Variants in ABCB4 observed in about 807,000 individuals in gnomAD.
ABCB4 encodes phosphatidylcholine translocator ABCB4.
Under a neutral mutation model 145.7 loss-of-function variants are expected in ABCB4, and 76 were observed. The observed-to-expected ratio is 0.52, with a 90% CI of 0.43 to 0.63. The LOEUF (loss-of-function observed/expected upper bound fraction) is 0.63, where lower values mean the gene tolerates loss of function less well. Ranked by LOEUF, ABCB4 falls within the 30% of genes least tolerant of loss-of-function variation. ABCB4 has a pLI of 0.00. For missense variants in ABCB4, 1,234 were observed against 1,553.1 expected (o/e 0.79, Z 3.45); for synonymous variants, 517 against 566.8 (o/e 0.91, Z 1.25).
intron 15 of ABCB4, among the ~76,000 whole-genome samples, chr7:87,427,643 G>C (rs959306327): frequency 1.3e-5 from 2 of 152,026 alleles, no homozygotes; most frequent in African/African-American, 4.8e-5. Context: ...GTTTGTTCAG[G>C]GTCTTAGTCC....
intron 12 of ABCB4, among the ~76,000 whole-genome samples, chr7:87,440,966 T>G (rs919205895): frequency 6.6e-6 from 1 of 152,222 alleles, no homozygotes; most frequent in Non-Finnish European, 1.5e-5. Context: ...GATCTTGATC[T>G]CCTGACCTCG....
intron 3 of ABCB4, among the ~76,000 whole-genome samples, chr7:87,470,905 A>C (rs1813342949): frequency 6.6e-6 from 1 of 152,246 alleles, no homozygotes. Context: ...GCTGCTATAC[A>C]GACACATGCA....
chr7:87,474,802 CT>C (rs1813676393), intron 2 of ABCB4, among the ~76,000 whole-genome samples: 1 of 152,108 alleles, frequency 6.6e-6, no homozygotes, highest in African/African-American at 2.4e-5. Flanking sequence ...CTGCTTCCCC[CT>C]ACCACTTGAA....
chr7:87,375,343 A>G, the ABCB4 span: 1 of 303,648 alleles, frequency 3.3e-6, no homozygotes, highest in Admixed American at 4.8e-5. Context: ...TTTACTTGCA[A>G]CCTAGAAGTG....
the ABCB4 span, among the ~76,000 whole-genome samples, chr7:87,381,675 C>G: frequency 6.6e-5 from 10 of 152,290 alleles, no homozygotes; most frequent in Admixed American, 4.6e-4. Flanking sequence ...CCAAGCCCCA[C>G]CAGAAGCCCT....
At chr7:87,440,458 C>A in intron 12 of ABCB4, 56 bp from the exon 13 acceptor site, 3 of 1,450,972 alleles carry the variant, frequency 2.1e-6, no homozygotes, top group Non-Finnish European at 1.9e-6. Context: ...GCTGAAGTAT[C>A]AGGACCATTC....
At chr7:87,467,727 C>A (rs1357835876) in intron 3 of ABCB4, among the ~76,000 whole-genome samples, 1 of 152,180 alleles carries the variant, frequency 6.6e-6, no homozygotes, top group Non-Finnish European at 1.5e-5. Context: ...AACTAGAACT[C>A]AGGATTAAGA....
intron 23 of ABCB4, among the ~76,000 whole-genome samples, chr7:87,410,874 C>T (rs1192336059): frequency 6.6e-6 from 1 of 152,204 alleles, no homozygotes; most frequent in Non-Finnish European, 1.5e-5. Context: ...ATTGCTTGTG[C>T]AGTTGCTGTC....
rs1335833230 is a variant in ABCB4, at chr7:87,433,682, T to TTTTG, written c.1732-2118_1732-2117insCAAA. ...ACACAAAAAATTGTTGTTGTTTTTT[T>TTTTG]TTTTTTTTTTTTCAGAGCTCCCAGA... On this transcript the variant is annotated intron_variant, in intron 14 of 27. Coordinates refer to ENST00000649586, the MANE Select transcript of ABCB4 (RefSeq NM_000443.4). 8.0e-5 allele frequency among the ~76,000 whole-genome samples: 12 copies of TTTTG among 149,924 alleles called. No homozygotes were observed. The East Asian group carries it at 1.9e-3, about 24-fold the overall frequency.
At chr7:87,368,191 T>TTTCCTCTGCCTG in the ABCB4 span, among the ~76,000 whole-genome samples, 1 of 152,212 alleles carries the variant, frequency 6.6e-6, no homozygotes, top group African/African-American at 2.4e-5. Context: ...CTTCTGCGGG[T>TTTCCTCTGCCTG]ATTTACATGG....
At chr7:87,413,818 T>G in intron 21 of ABCB4, 101 bp from the exon 22 acceptor site, 2 of 813,268 alleles carry the variant, frequency 2.5e-6, no homozygotes, top group South Asian at 1.4e-5. Context: ...GAAGGTTACG[T>G]TGATAGGCTT....
chr7:87,369,376 A>T, the ABCB4 span: 1 of 1,603,074 alleles, frequency 6.2e-7, no homozygotes. Flanking sequence ...CTGTTTCCAG[A>T]GAGTGAAGGG....
intron 10 of ABCB4, among the ~76,000 whole-genome samples, chr7:87,443,995 T>G (rs1811172319): frequency 6.6e-6 from 1 of 152,176 alleles, no homozygotes; most frequent in South Asian, 2.1e-4. Context: ...GTAAGAGATA[T>G]TCATCTCATT....
At chr7:87,375,750 G>C in the ABCB4 span, 1 of 1,612,160 alleles carries the variant, frequency 6.2e-7, no homozygotes, top group Non-Finnish European at 8.5e-7. Flanking sequence ...TTTTCTTAAC[G>C]AAGCTTTTCT....
the ABCB4 span, chr7:87,392,506 T>G: frequency 7.4e-7 from 1 of 1,350,858 alleles, no homozygotes; most frequent in Non-Finnish European, 1.0e-6. Context: ...AGCTTAGGAT[T>G]TTTTTCTAGT....
chr7:87,451,183 T>C (rs1237565517), intron 7 of ABCB4, among the ~76,000 whole-genome samples: 2 of 149,556 alleles, frequency 1.3e-5, no homozygotes, highest in African/African-American at 5.0e-5. Flanking sequence ...TCACCCAAGC[T>C]GGAGTGAAGT....
At chr7:87,467,070 G>A (rs1263300009) in intron 3 of ABCB4, among the ~76,000 whole-genome samples, 5 of 152,084 alleles carry the variant, frequency 3.3e-5, no homozygotes, top group Non-Finnish European at 7.4e-5. Flanking sequence ...AAATTTAAAT[G>A]GGCTAAATGC....
chr7:87,466,476 C>T (rs1170560872), intron 3 of ABCB4, among the ~76,000 whole-genome samples: 2 of 152,204 alleles, frequency 1.3e-5, no homozygotes, highest in African/African-American at 4.8e-5. Flanking sequence ...AAACACTCTG[C>T]AGGATATTAT....
chr7:87,475,253 A>G, intron 2 of ABCB4, 133 bp downstream of exon 2: 1 of 1,040,112 alleles, frequency 9.6e-7, no homozygotes, highest in Non-Finnish European at 1.5e-6. Flanking sequence ...ACCGGATGCA[A>G]GACCCTTCAA....
Sources: allele counts gnomAD v4.1 joint callset (sites outside exome capture counted in the v4.1 genomes callset), GRCh38; gene constraint gnomAD v4.1.1; transcripts MANE v1.5; gene names NCBI Gene and HGNC (gene_info 2026-07-23, HGNC 2026-07-21).